The following ATRIP variants were observed in gnomAD, a reference collection of about 807,000 sequenced individuals.
ATRIP encodes ATR interacting protein.
A neutral mutation model predicts 78.1 loss-of-function variants in ATRIP; 44 were observed. The ratio of observed to expected loss-of-function variants is 0.56; its 90% confidence interval spans 0.44 to 0.72. The LOEUF is 0.72. Ranked by LOEUF, ATRIP falls within the 30% of genes least tolerant of loss-of-function variation. ATRIP has a pLI of 0.00. For missense variants in ATRIP, 927 were observed against 980.2 expected, an observed-to-expected ratio of 0.95 and a Z score of 0.72; for synonymous variants, 388 against 408.9, an observed-to-expected ratio of 0.95 and a Z score of 0.62.
intron 5 of ATRIP, among the ~76,000 whole-genome samples, chr3:48,458,740 T>C (rs577799975): frequency 2.8e-4 from 42 of 152,238 alleles, no homozygotes; most frequent in Admixed American, 8.5e-4. Flanking sequence ...GCTATGTCAG[T>C]GTATCTTATA....
In ATRIP at chr3:48,463,806, G is replaced by A. The variant is rs371871471; in HGVS notation, c.1807G>A (p.Val603Met). Residue 603 changes from valine (V) to methionine (M), a missense_variant, in exon 9 of 13, where the codon GTG becomes ATG. By Grantham distance (21) the Val-to-Met change is conservative. Transcript: ENST00000320211. ...CAGCCCAGAGACACCCCTGCCTAGC[G>A]TGCTGCTGGCTGTTGAGCTCCTCTC... ...CLSPETPLPSVLLAVELLSLL... is the reference protein window; with the variant it reads ...CLSPETPLPSMLLAVELLSLL... 13 of 1,614,022 alleles carry A rather than the reference G, an allele frequency of 8.1e-6. No homozygotes were observed. The highest frequency in any genetic ancestry group is 2.2e-5 in the South Asian group (2 of 91,090).
Position 48,465,212 on chromosome 3 carries a change from T to A in ATRIP, c.2308+129T>A, listed in dbSNP as rs890672295. 71 of 1,245,694 alleles carry A rather than the reference T, an allele frequency of 5.7e-5. No individual in the cohort carries two copies. The African/African-American group carries it at 9.9e-4, about 17-fold the overall frequency. 77.2% of individuals were successfully genotyped at this position (1,245,694 alleles called of 1,614,324 possible). A position where few individuals can be genotyped will look rare whatever the true frequency, so the allele number is the denominator to read the frequency against. ...GCAGCCTGTTCCAGCACTGGGGCCA[T>A]TTTCTTTTATCTTCCTGCCTCAGTT... On this transcript the variant is annotated intron_variant, in intron 12 of 12. Coordinates refer to ENST00000320211, the MANE Select transcript of ATRIP (RefSeq NM_130384.3).
rs751831423 is a variant in ATRIP at position 48,466,794 on chromosome 3, C to G, written c.*1240C>G. Reference sequence around the variant, plus strand: ...TGTCCACAGATGTGCCCTGGAGAGCCCCCCCACCTCTCAGGGGCCACCTCC... The same window carrying G: ...TGTCCACAGATGTGCCCTGGAGAGCGCCCCCACCTCTCAGGGGCCACCTCC... On this transcript the variant is annotated 3_prime_UTR_variant, in exon 13 of 13. Coordinates refer to ENST00000320211, the MANE Select transcript of ATRIP (RefSeq NM_130384.3). The G allele has an allele frequency of 6.2e-7, 1 of 1,613,932 alleles. No homozygotes were observed. Among genetic ancestry groups the G allele is most frequent in the South Asian group, 1.1e-5 (1 of 91,080 alleles).
Position 48,467,587 on chromosome 3 carries a change from C to T in ATRIP, c.*2033C>T. On this transcript the variant is annotated 3_prime_UTR_variant, in exon 13 of 13. Coordinates refer to ENST00000320211, the MANE Select transcript of ATRIP (RefSeq NM_130384.3). ...ACACTGTATGGACTATCCCTGGCCACACCTGGGGAGTAGGCCAAGAAGGAA... is the reference window on the plus strand; with the variant it reads ...ACACTGTATGGACTATCCCTGGCCATACCTGGGGAGTAGGCCAAGAAGGAA... 1 of 1,611,630 alleles carries T rather than the reference C, an allele frequency of 6.2e-7. No individual in the cohort carries two copies. Among genetic ancestry groups the T allele is most frequent in the South Asian group, 1.1e-5 (1 of 91,048 alleles).
At position 48,466,642 on chromosome 3, in the gene ATRIP, G is replaced by GT. The variant is rs1328271328; in HGVS notation, c.*1089dup. The GT allele has an allele frequency of 3.1e-6, 5 of 1,613,914 alleles. No individual in the cohort carries two copies. Among genetic ancestry groups the GT allele is most frequent in the Non-Finnish European group, 4.2e-6 (5 of 1,180,006 alleles). ...TGCTCCTCTCCAGGCTCAGCAGCAG[G>GT]TACGTACCCAACCATGGGCTCGCAG... is the stretch of plus-strand genomic sequence containing the variant. On this transcript the variant is annotated 3_prime_UTR_variant, in exon 13 of 13. Transcript: ENST00000320211.
At chr3:48,452,372 T>A (rs1270264640) in intron 3 of ATRIP, among the ~76,000 whole-genome samples, 3 of 152,044 alleles carry the variant, frequency 2.0e-5, no homozygotes, top group Admixed American at 6.6e-5. Flanking sequence ...GGCTCATATT[T>A]TATAAATACA....
Position 48,464,177 on chromosome 3 carries a change from C to G in ATRIP, c.1974+45C>G, listed in dbSNP as rs764448070. The G allele has an allele frequency of 6.8e-6, 10 of 1,470,016 alleles. No homozygotes were observed. The East Asian group carries it at 2.0e-4, about 30-fold the overall frequency. The allele number at this position is 1,470,016 out of a possible 1,614,324, so 91.1% of individuals were successfully genotyped here. On this transcript the variant is annotated intron_variant, in intron 10 of 12. Transcript: ENST00000320211. The stretch of plus-strand genomic sequence containing the variant: ...TTCTGGACACTGTCCCCACCCCATC[C>G]TAAGAACCAACAGAATCTCCTTTCT...
At position 48,459,469 on chromosome 3, in the gene ATRIP, G is replaced by A; in HGVS notation, c.925+15G>A. 1 of 1,609,408 alleles carries A rather than the reference G, an allele frequency of 6.2e-7. No individual in the cohort carries two copies. Among genetic ancestry groups the A allele is most frequent in the Non-Finnish European group, 8.5e-7 (1 of 1,175,940 alleles). ...AAACACTCAAGGTACCAGAATCCCT[G>A]CTTCTCCTGCAGGGGCCTGCATGGC... On this transcript the variant is annotated intron_variant, in intron 6 of 12. Transcript: ENST00000320211.
At chr3:48,462,544 A>G (rs1017620125) in intron 8 of ATRIP, among the ~76,000 whole-genome samples, 2 of 152,142 alleles carry the variant, frequency 1.3e-5, no homozygotes, top group African/African-American at 4.8e-5. Context: ...TCTACTAAAA[A>G]TACAAAAAAG....
chr3:48,466,588 T>TAAC lies in ATRIP; in HGVS notation c.*1036_*1038dup. The TAAC allele has an allele frequency of 6.2e-7, 1 of 1,613,938 alleles. No homozygotes were observed. The highest frequency in any genetic ancestry group is 8.5e-7 in the Non-Finnish European group (1 of 1,179,978). ...ACCCCACTCCCTCCCCTTCGGATCT[T>TAAC]AACACTGGGCACTCACACACCCACC... On this transcript the variant is annotated 3_prime_UTR_variant, in exon 13 of 13. Transcript: ENST00000320211.
At chr3:48,456,785 G>A (rs1291960029) in intron 4 of ATRIP, among the ~76,000 whole-genome samples, 1 of 151,994 alleles carries the variant, frequency 6.6e-6, no homozygotes, top group Non-Finnish European at 1.5e-5. Context: ...AAAAAAAAAT[G>A]TTTTGGTGGA....
chr3:48,465,640 C>T lies in ATRIP; in HGVS notation c.*86C>T. ...TGATTAAAGCAGTGACCAGCAGGAA[C>T]TGCCCAGAGAACTGGCTGGCCTTGT... is the stretch of plus-strand genomic sequence containing the variant. On this transcript the variant is annotated 3_prime_UTR_variant, in exon 13 of 13. Coordinates refer to ENST00000320211, the MANE Select transcript of ATRIP (RefSeq NM_130384.3). 2 of 1,387,030 alleles carry T rather than the reference C, an allele frequency of 1.4e-6. No homozygotes were observed. The highest frequency in any genetic ancestry group is 2.4e-5 in the South Asian group (2 of 84,552). The allele number at this position is 1,387,030 out of a possible 1,614,324, so 85.9% of individuals were successfully genotyped here. A position where few individuals can be genotyped will look rare whatever the true frequency, so the allele number is the denominator to read the frequency against.
chr3:48,446,989 G>T lies in ATRIP; in HGVS notation c.144G>T (p.Pro48=). The T allele has an allele frequency of 1.3e-6, 2 of 1,575,262 alleles. No individual in the cohort carries two copies. The highest frequency in any genetic ancestry group is 1.7e-6 in the Non-Finnish European group (2 of 1,164,030). The change falls in exon 1 of 13, where the codon CCG becomes CCT. Residue 48 remains proline, a synonymous_variant. Coordinates refer to ENST00000320211, the MANE Select transcript of ATRIP (RefSeq NM_130384.3). The part of the protein sequence containing the change: ...SAAAAPDPDD[P]FGAHGDFTAD... ...CCGCTGCCCCGGACCCTGACGACCC[G>T]TTCGGCGCGCATGGGGACTTCACTG...
In ATRIP at chr3:48,447,069, C is replaced by T; in HGVS notation, c.224C>T (p.Pro75Leu). 3.2e-6 allele frequency: 5 copies of T among 1,563,432 alleles called. No homozygotes were observed. Among genetic ancestry groups the T allele is most frequent in the Non-Finnish European group, 4.3e-6 (5 of 1,158,086 alleles). Reference protein sequence around the residue: ...TLASQALSQCPAAARDVSSDH... With the variant: ...TLASQALSQCLAAARDVSSDH... ...GCGTCACAGGCCCTGAGCCAATGTC[C>T]GGCCGCGGCTCGGGACGTGTCCAGT... Residue 75 changes from proline (P) to leucine (L), a missense_variant, in exon 1 of 13, where the codon CCG becomes CTG. Pro to Leu is a moderately conservative substitution (Grantham distance 98). Coordinates refer to ENST00000320211, the MANE Select transcript of ATRIP (RefSeq NM_130384.3).
intron 2 of ATRIP, 69 bp from the exon 3 acceptor site, chr3:48,451,660 A>G (rs949543114): frequency 1.5e-6 from 2 of 1,348,806 alleles, no homozygotes; most frequent in African/African-American, 2.9e-5. Context: ...CCCCAACTAC[A>G]TGTTAAAACA....
chr3:48,453,719 G>C (rs1477758429), intron 3 of ATRIP, among the ~76,000 whole-genome samples: 1 of 152,114 alleles, frequency 6.6e-6, no homozygotes, highest in Non-Finnish European at 1.5e-5. Flanking sequence ...GGAAGACCTG[G>C]AATTGTGCAC....
chr3:48,464,201 C>G, intron 10 of ATRIP, 69 bp downstream of exon 10: 6 of 1,337,564 alleles, frequency 4.5e-6, no homozygotes, highest in Non-Finnish European at 6.4e-6. Context: ...AATCTCCTTT[C>G]TTTCCGCTGA....
At chr3:48,457,098 A>G (rs1461699274) in intron 4 of ATRIP, among the ~76,000 whole-genome samples, 161 bp from the exon 5 acceptor site, 1 of 152,240 alleles carries the variant, frequency 6.6e-6, no homozygotes, top group Non-Finnish European at 1.5e-5. Flanking sequence ...GGAATTTTGC[A>G]CTGCTCCTCT....
chr3:48,463,720 G>T, intron 8 of ATRIP, 25 bp from the exon 9 acceptor site: 2 of 1,613,494 alleles, frequency 1.2e-6, no homozygotes, highest in Non-Finnish European at 1.7e-6. Context: ...GGAGTGTCAC[G>T]TCTCTCTGGG....
Sources: gnomAD v4.1 joint callset for allele counts (sites outside exome capture counted in the v4.1 genomes callset) on GRCh38, gnomAD v4.1.1 for gene constraint, MANE v1.5 for transcripts, NCBI Gene and HGNC (gene_info 2026-07-23, HGNC 2026-07-21) for gene names.